MED12L: variants seen among roughly 807,000 people sequenced by gnomAD.
The protein encoded by MED12L is mediator complex subunit 12L.
In MED12L, 60 loss-of-function variants were observed where a neutral mutation model predicts 281.3. The observed-to-expected ratio is 0.21, with a 90% CI of 0.17 to 0.26. The LOEUF is 0.26. MED12L is among the 10% of genes least tolerant of loss of function. MED12L has a pLI of 1.00. For synonymous variants in MED12L, 974 were observed against 987.2 expected (o/e 0.99, Z 0.25); for missense variants, 2,146 against 2,680.9 (o/e 0.80, Z 4.41).
intron 16 of MED12L, among the ~76,000 whole-genome samples, chr3:151,241,017 C>T (rs1559923001): frequency 6.6e-6 from 1 of 152,054 alleles, no homozygotes. Context: ...CAAAAACATC[C>T]AGTGAGATGA....
intron 16 of MED12L, among the ~76,000 whole-genome samples, chr3:151,272,964 G>A (rs180738260): frequency 1.4e-4 from 21 of 152,190 alleles, no homozygotes; most frequent in African/African-American, 4.6e-4. Flanking sequence ...TTCAATATCC[G>A]AAACTTTTTG....
chr3:151,428,035 G>A (rs1719064096), intron 43 of MED12L, among the ~76,000 whole-genome samples: 1 of 152,192 alleles, frequency 6.6e-6, no homozygotes, highest in African/African-American at 2.4e-5. Flanking sequence ...TATCCTACCT[G>A]ATATAATTAT....
intron 35 of MED12L, 115 bp from the exon 36 acceptor site, chr3:151,384,915 C>G (rs1019554275): frequency 1.4e-6 from 1 of 715,626 alleles, no homozygotes; most frequent in African/African-American, 1.8e-5. Context: ...AAAGAACATG[C>G]GCTAAGCTAT....
rs1484631409 is a variant in MED12L at position 151,434,650 on chromosome 3, T to G, written c.*1846T>G. 4 of 152,238 alleles carry G rather than the reference T, an allele frequency of 2.6e-5. No homozygotes were observed. Among genetic ancestry groups the G allele is most frequent in the African/African-American group, 4.8e-5 (2 of 41,464 alleles). 9.4% of individuals were successfully genotyped at this position (152,238 alleles called of 1,614,324 possible). On this transcript the variant is annotated 3_prime_UTR_variant, in exon 45 of 45. Coordinates refer to ENST00000687756, the MANE Select transcript of MED12L (RefSeq NM_001393769.1). ...GTAATATATCTATATAATGACTGCA[T>G]TGGCAAATCAACCGAAATGTGAATG...
At chr3:151,127,056 T>C (rs1714645847) in intron 4 of MED12L, among the ~76,000 whole-genome samples, 2 of 152,322 alleles carry the variant, frequency 1.3e-5, no homozygotes, top group South Asian at 4.1e-4. Flanking sequence ...ATTCATAAAC[T>C]TGAATAGATG....
rs781189882 is a variant in MED12L at position 151,188,403 on chromosome 3, C to T, written c.1676C>T (p.Ser559Phe). The T allele has an allele frequency of 6.2e-7, 1 of 1,611,108 alleles. No homozygotes were observed. Among genetic ancestry groups the T allele is most frequent in the Non-Finnish European group, 8.5e-7 (1 of 1,177,532 alleles). The change falls in exon 13 of 45, where the codon TCC becomes TTC. Residue 559 changes from serine to phenylalanine, a missense_variant. Ser to Phe is a radical substitution (Grantham distance 155). Transcript: ENST00000687756. ...GATGAGAAGGAGTCTATTTCTTCAT[C>T]CTCTCTTGCTGGATCCAGTTTGCCT... ...VLDEKESISS[S>F]SLAGSSLPVF...
intron 43 of MED12L, among the ~76,000 whole-genome samples, chr3:151,422,644 T>C (rs1265413263): frequency 6.6e-6 from 1 of 152,182 alleles, no homozygotes; most frequent in African/African-American, 2.4e-5. Context: ...AAAGACCCTG[T>C]TTCTAAATAA....
chr3:151,267,660 A>C (rs947454341), intron 16 of MED12L, among the ~76,000 whole-genome samples: 1 of 152,158 alleles, frequency 6.6e-6, no homozygotes, highest in Non-Finnish European at 1.5e-5. Flanking sequence ...CTTGAGAGTA[A>C]TATCTTGTAA....
chr3:151,120,895 A>G (rs887369432), intron 3 of MED12L, among the ~76,000 whole-genome samples: 3 of 152,184 alleles, frequency 2.0e-5, no homozygotes, highest in Non-Finnish European at 4.4e-5. Flanking sequence ...GACTTTGTTA[A>G]CAGTATGCAT....
In MED12L at chr3:151,127,900, T is replaced by C. The variant is rs374129249; in HGVS notation, c.472T>C (p.Trp158Arg). 5.6e-6 allele frequency: 9 copies of C among 1,613,908 alleles called. No individual in the cohort carries two copies. Among genetic ancestry groups the C allele is most frequent in the Admixed American group, 1.7e-5 (1 of 60,006 alleles). Residue 158 changes from tryptophan to arginine, a missense_variant, in exon 5 of 45, where the codon TGG becomes CGG. Trp to Arg is a moderately radical substitution (Grantham distance 101, BLOSUM62 -3). Transcript: ENST00000687756. ...KYSVPMVRAT[W>R]LIKMTCAYYS... ...TTCTGTGCCAATGGTTCGAGCAACG[T>C]GGCTGATCAAGATGACTTGTGCCTA... is the stretch of plus-strand genomic sequence containing the variant.
At chr3:151,227,426 C>T (rs373260954) in intron 16 of MED12L, among the ~76,000 whole-genome samples, 2 of 152,268 alleles carry the variant, frequency 1.3e-5, no homozygotes, top group East Asian at 1.9e-4. Flanking sequence ...TAAGGGGGGA[C>T]GGATTAGGTT....
At chr3:151,171,232 A>C (rs1489042859) in intron 11 of MED12L, among the ~76,000 whole-genome samples, 1 of 152,202 alleles carries the variant, frequency 6.6e-6, no homozygotes, top group Non-Finnish European at 1.5e-5. Flanking sequence ...TGGTTTCCAC[A>C]TGCTCACTGA....
intron 16 of MED12L, chr3:151,327,837 T>C (rs1406505126): frequency 1.8e-6 from 1 of 557,686 alleles, no homozygotes; most frequent in Non-Finnish European, 3.0e-6. Context: ...AATAGATCTA[T>C]GTGGATTTAA....
intron 16 of MED12L, among the ~76,000 whole-genome samples, chr3:151,307,533 CTGTGTGTG>C (rs67391329): frequency 0.13 from 18,194 of 137,534 alleles, 1,297 homozygotes; most frequent in Middle Eastern, 0.18. Flanking sequence ...GTAACTTGCT[CTGTGTGTG>C]TGTGTGTGTG....
At chr3:151,372,510 A>G (rs1756318029) in intron 26 of MED12L, 57 bp from the exon 27 acceptor site, 1 of 1,315,976 alleles carries the variant, frequency 7.6e-7, no homozygotes, top group Non-Finnish European at 1.1e-6. Context: ...TTGCTCCTCA[A>G]TTATTTGGCA....
At chr3:151,111,611 C>T (rs1164987570) in intron 2 of MED12L, among the ~76,000 whole-genome samples, 5 of 152,186 alleles carry the variant, frequency 3.3e-5, no homozygotes, top group South Asian at 2.1e-4. Flanking sequence ...CCACCTGGAA[C>T]CACAACTGCG....
At chr3:151,092,416 G>C (rs1336705351) in intron 2 of MED12L, among the ~76,000 whole-genome samples, 2 of 152,240 alleles carry the variant, frequency 1.3e-5, no homozygotes, top group Admixed American at 1.3e-4. Context: ...GTTCACATCT[G>C]TGAACGGCCT....
chr3:151,432,870 C>A lies in MED12L; in HGVS notation c.*66C>A. On this transcript the variant is annotated 3_prime_UTR_variant, in exon 45 of 45. Coordinates refer to ENST00000687756, the MANE Select transcript of MED12L (RefSeq NM_001393769.1). ...GAAAAACAGAAAATCAAATTTAATG[C>A]ATTAGTCATCTTAAAAATGTCCCTT... 1 of 1,181,934 alleles carries A rather than the reference C, an allele frequency of 8.5e-7. No individual in the cohort carries two copies. The highest frequency in any genetic ancestry group is 1.5e-5 in the South Asian group (1 of 68,880). The allele number at this position is 1,181,934 out of a possible 1,614,324, so 73.2% of individuals were successfully genotyped here. A position where few individuals can be genotyped will look rare whatever the true frequency, so the allele number is the denominator to read the frequency against.
chr3:151,425,216 C>T (rs761662743), intron 43 of MED12L, among the ~76,000 whole-genome samples: 67 of 152,252 alleles, frequency 4.4e-4, no homozygotes, highest in Non-Finnish European at 5.7e-4. Context: ...CATATGCTTT[C>T]GCTGACGGGG....
Sources: allele counts gnomAD v4.1 joint callset (sites outside exome capture counted in the v4.1 genomes callset), GRCh38; gene constraint gnomAD v4.1.1; transcripts MANE v1.5; gene names NCBI Gene and HGNC (gene_info 2026-07-23, HGNC 2026-07-21).